The following ZNF540 variants were observed in gnomAD, a reference collection of about 807,000 sequenced individuals.
ZNF540 encodes zinc finger protein 540, also known as CTD-3064H18.6.
Under a neutral mutation model 11.8 loss-of-function variants are expected in ZNF540, and 3 were observed. The observed-to-expected ratio is 0.25, with a 90% CI of 0.12 to 0.65. The LOEUF (loss-of-function observed/expected upper bound fraction) is 0.65, where lower values mean the gene tolerates loss of function less well. Among genes scored for constraint, ZNF540 ranks in the 30% least tolerant of loss-of-function variants. ZNF540 has a pLI of 0.83. For missense variants in ZNF540, 709 were observed against 793.1 expected, an observed-to-expected ratio of 0.89 and a Z score of 1.27; for synonymous variants, 247 against 259.0, an observed-to-expected ratio of 0.95 and a Z score of 0.45.
chr19:37,561,809 A>C (rs933621470), intron 1 of ZNF540, among the ~76,000 whole-genome samples: 4 of 152,204 alleles, frequency 2.6e-5, no homozygotes, highest in South Asian at 2.1e-4. Context: ...TAAATTTATA[A>C]TTTTGCAATT....
chr19:37,565,503 A>G (rs1555715297), intron 1 of ZNF540: 2 of 1,613,742 alleles, frequency 1.2e-6, no homozygotes, highest in South Asian at 1.1e-5. Context: ...CATTCCTTAC[A>G]CTCATAAGGT....
At chr19:37,584,776 C>T (rs533103413) in intron 1 of ZNF540, among the ~76,000 whole-genome samples, 54 of 151,942 alleles carry the variant, frequency 3.6e-4, no homozygotes, top group Non-Finnish European at 6.3e-4. Context: ...TCCTGGCTAA[C>T]ACGGTGAAAC....
At position 37,612,206 on chromosome 19, in the gene ZNF540, A is replaced by T; in HGVS notation, c.926A>T (p.Gln309Leu). 2 of 1,612,374 alleles carry T rather than the reference A, an allele frequency of 1.2e-6. No individual in the cohort carries two copies. The highest frequency in any genetic ancestry group is 1.7e-6 in the Non-Finnish European group (2 of 1,179,712). Reference sequence around the variant, plus strand: ...TGTAAAGAATGTGGAAAAGTTTTTCAACTTATTTTCTACTTTAAAGAACAT... The same window carrying T: ...TGTAAAGAATGTGGAAAAGTTTTTCTACTTATTTTCTACTTTAAAGAACAT... ...YECKECGKVF[Q>L]LIFYFKEHER... is the part of the protein sequence containing the mutation. The change falls in exon 5 of 5, where the codon CAA (glutamine) becomes CTA (leucine). Residue 309 changes from glutamine to leucine, a missense_variant. Transcript: ENST00000316433.
intron 1 of ZNF540, chr19:37,556,187 T>C: frequency 1.5e-6 from 1 of 688,156 alleles, no homozygotes; most frequent in South Asian, 1.5e-5. Context: ...ATAAATCAAC[T>C]GCAAAGGAGA....
At chr19:37,604,510 T>C (rs1279278444) in intron 4 of ZNF540, among the ~76,000 whole-genome samples, 4 of 151,870 alleles carry the variant, frequency 2.6e-5, no homozygotes, top group Non-Finnish European at 4.4e-5. Flanking sequence ...GGTTTCACCG[T>C]GTTAGCCAGG....
chr19:37,587,755 T>C (rs1164000518), intron 1 of ZNF540, among the ~76,000 whole-genome samples: 1 of 152,084 alleles, frequency 6.6e-6, no homozygotes, highest in Non-Finnish European at 1.5e-5. Flanking sequence ...CCATAAGCCA[T>C]TGTACTAAGA....
chr19:37,555,234 TG>T (rs2042647001), intron 1 of ZNF540: 1 of 152,254 alleles, frequency 6.6e-6, no homozygotes, highest in African/African-American at 2.4e-5. Context: ...GAAACAAGGC[TG>T]GGTAATTAAA....
intron 4 of ZNF540, among the ~76,000 whole-genome samples, chr19:37,605,655 A>G (rs2044079804): frequency 1.3e-5 from 2 of 152,132 alleles, no homozygotes; most frequent in Non-Finnish European, 2.9e-5. Context: ...GTCGCAAAAA[A>G]AAGAAAGAAA....
intron 1 of ZNF540, chr19:37,565,982 C>A (rs1171148744): frequency 6.2e-7 from 1 of 1,613,824 alleles, no homozygotes; most frequent in Non-Finnish European, 8.5e-7. Flanking sequence ...TGACAGGTAG[C>A]TGAAACCTTG....
Position 37,573,264 on chromosome 19 carries a change from T to C in ZNF540, c.-73+21599T>C, listed in dbSNP as rs75699424. ...CTCCAGGCAATTCTATATAAAAGTA[T>C]TGGAGATACTGGATTCCTATTATTA... is the stretch of plus-strand genomic sequence containing the variant. On this transcript the variant is annotated intron_variant, in intron 1 of 4. Transcript: ENST00000592533. Among the ~76,000 whole-genome samples the C allele has an allele frequency of 2.2e-4, 34 of 152,282 alleles. No homozygotes were observed. In the East Asian group the frequency reaches 5.0e-3, roughly 22 times the overall value.
At position 37,613,759 on chromosome 19, in the gene ZNF540, T is replaced by C; in HGVS notation, c.*496T>C. 2.5e-6 allele frequency: 1 copy of C among 398,764 alleles called. No individual in the cohort carries two copies. The highest frequency in any genetic ancestry group is 4.4e-6 in the Non-Finnish European group (1 of 226,192). The allele number at this position is 398,764 out of a possible 1,614,324, so 24.7% of individuals were successfully genotyped here. On this transcript the variant is annotated 3_prime_UTR_variant, in exon 5 of 5. Coordinates refer to ENST00000316433, the MANE Select transcript of ZNF540 (RefSeq NM_001172225.3). ...AAAACCACTCATCACTTACATTTCA[T>C]GAAGTACTTCTTTGATAAAATCTGT...
At chr19:37,590,091 C>T (rs1010509315), upstream of ZNF540, among the ~76,000 whole-genome samples, 4 of 80,552 alleles carry the variant, frequency 5.0e-5, no homozygotes, top group South Asian at 6.0e-4. Context: ...TTGGATTGGA[C>T]GCCAGATAAG....
rs556694290 is a variant in ZNF540, at chr19:37,602,456, ATACT to A, written c.232+1354_232+1357del. 5.9e-3 allele frequency among the ~76,000 whole-genome samples: 904 copies of A among 152,300 alleles called. 10 individuals carry two copies. Among genetic ancestry groups the A allele is most frequent in the African/African-American group, 0.021 (854 of 41,558 alleles). ...AATAAAGTTTTATTGAAACGTAGCC[ATACT>A]TAATTATTTATGTGTTGTCTATGGC... On this transcript the variant is annotated intron_variant, in intron 4 of 4. Transcript: ENST00000316433.
chr19:37,613,381 T>A lies in ZNF540; in HGVS notation c.*118T>A. On this transcript the variant is annotated 3_prime_UTR_variant, in exon 5 of 5. Transcript: ENST00000316433. ...CATATTAACTTAATAAATGTATGAGTCTTAAATACCTCTTAGTTCTCATTA... is the reference window on the plus strand; with the variant it reads ...CATATTAACTTAATAAATGTATGAGACTTAAATACCTCTTAGTTCTCATTA... 1 of 699,034 alleles carries A rather than the reference T, an allele frequency of 1.4e-6. No homozygotes were observed. The highest frequency in any genetic ancestry group is 2.2e-6 in the Non-Finnish European group (1 of 463,598). The allele number at this position is 699,034 out of a possible 1,614,324, so 43.3% of individuals were successfully genotyped here. A position where few individuals can be genotyped will look rare whatever the true frequency, so the allele number is the denominator to read the frequency against.
intron 1 of ZNF540, chr19:37,565,638 A>G (rs771625106): frequency 6.2e-7 from 1 of 1,613,206 alleles, no homozygotes; most frequent in Non-Finnish European, 8.5e-7. Flanking sequence ...GTATATTGTG[A>G]ACAATAACTA....
chr19:37,566,268 T>C (rs1394241604), intron 1 of ZNF540: 3 of 1,612,458 alleles, frequency 1.9e-6, no homozygotes, highest in Middle Eastern at 1.7e-4. Context: ...GATAACTTTT[T>C]GGTCACACAA....
At position 37,600,996 on chromosome 19, in the gene ZNF540, T is replaced by A; in HGVS notation, c.137-14T>A. The A allele has an allele frequency of 6.4e-7, 1 of 1,554,488 alleles. No individual in the cohort carries two copies. The highest frequency in any genetic ancestry group is 2.4e-5 in the East Asian group (1 of 41,388). Reference sequence around the variant, plus strand: ...TTATTTCTATATATTCTTTTATTTCTTTCTTGTAAGCAGGATATTCTGGCT... The same window carrying A: ...TTATTTCTATATATTCTTTTATTTCATTCTTGTAAGCAGGATATTCTGGCT... On this transcript the variant is annotated splice_polypyrimidine_tract_variant and intron_variant, in intron 3 of 4. Transcript: ENST00000316433.
At chr19:37,574,919 T>C (rs1029615052) in intron 1 of ZNF540, among the ~76,000 whole-genome samples, 4 of 152,212 alleles carry the variant, frequency 2.6e-5, no homozygotes, top group Admixed American at 6.5e-5. Context: ...AATGCTGTTA[T>C]ACCTACAGAA....
In ZNF540 at chr19:37,600,940, A is replaced by G. The variant is rs1009855537; in HGVS notation, c.137-70A>G. 8.5e-6 allele frequency: 11 copies of G among 1,293,742 alleles called. No homozygotes were observed. The Admixed American group carries it at 2.3e-4, about 27-fold the overall frequency. 80.1% of individuals were successfully genotyped at this position (1,293,742 alleles called of 1,614,324 possible). ...ATGTTGATCCATATAAATTTAACCA[A>G]GTCTCAAAATGTTTCTGAATGTGCA... On this transcript the variant is annotated intron_variant, in intron 3 of 4. Coordinates refer to ENST00000316433, the MANE Select transcript of ZNF540 (RefSeq NM_001172225.3).
Sources: gnomAD v4.1 joint callset for allele counts (sites outside exome capture counted in the v4.1 genomes callset) on GRCh38, gnomAD v4.1.1 for gene constraint, MANE v1.5 for transcripts, NCBI Gene and HGNC (gene_info 2026-07-23, HGNC 2026-07-21) for gene names.